The following ARMH4 variants were observed in gnomAD, a reference collection of about 807,000 sequenced individuals.
The protein encoded by ARMH4 is armadillo like helical domain containing 4.
A neutral mutation model predicts 61.9 loss-of-function variants in ARMH4; 49 were observed. The observed-to-expected ratio is 0.79, with a 90% CI of 0.63 to 1.00. The LOEUF is 1.00. Among genes scored for constraint, ARMH4 ranks in the 50% least tolerant of loss-of-function variants. The pLI, the probability that ARMH4 is intolerant of heterozygous loss-of-function variation, is 0.00. For missense variants in ARMH4, 934 were observed against 930.0 expected (o/e 1.00, Z -0.06); for synonymous variants, 368 against 341.5 (o/e 1.08, Z -0.85).
At chr14:58,109,400 C>T (rs1886275001) in intron 4 of ARMH4, among the ~76,000 whole-genome samples, 1 of 152,226 alleles carries the variant, frequency 6.6e-6, no homozygotes, top group African/African-American at 2.4e-5. Flanking sequence ...TTCCCCATCA[C>T]TCTGCAGTGC....
intron 4 of ARMH4, among the ~76,000 whole-genome samples, chr14:58,120,353 C>CCACA (rs59458573): frequency 7.4e-5 from 11 of 149,198 alleles, no homozygotes; most frequent in Middle Eastern, 3.4e-3. Flanking sequence ...CTCCCCCATG[C>CCACA]CACACACACA....
chr14:58,094,240 G>A (rs1020157546), intron 5 of ARMH4, among the ~76,000 whole-genome samples: 1 of 147,830 alleles, frequency 6.8e-6, no homozygotes, highest in Non-Finnish European at 1.5e-5. Context: ...TGAGGCAGGA[G>A]AATTGTTTGA....
intron 4 of ARMH4, among the ~76,000 whole-genome samples, chr14:58,122,580 A>G (rs573846993): frequency 6.6e-6 from 1 of 152,304 alleles, no homozygotes; most frequent in Non-Finnish European, 1.5e-5. Flanking sequence ...TTGGTTTTCT[A>G]TAATAGAGAT....
chr14:58,125,189 C>T (rs886847494), intron 4 of ARMH4, among the ~76,000 whole-genome samples: 4 of 152,014 alleles, frequency 2.6e-5, no homozygotes, highest in African/African-American at 9.7e-5. Flanking sequence ...ATTTGAAATG[C>T]TTATAGAAGG....
chr14:58,021,177 G>C lies in ARMH4; in HGVS notation c.2090-9027C>G, dbSNP rs116358855. ...TTACCCAGTCTACAGATTCAAATGC[G>C]ATACGGTCTGGCTGTGTCCTCACCC... On this transcript the variant is annotated intron_variant, in intron 5 of 7. Coordinates refer to ENST00000267485, the MANE Select transcript of ARMH4 (RefSeq NM_001001872.4). Among the ~76,000 whole-genome samples the C allele has an allele frequency of 4.7e-3, 721 of 152,302 alleles. 5 individuals are homozygous for C. The highest frequency in any genetic ancestry group is 0.017 in the African/African-American group (688 of 41,558).
At chr14:58,041,342 C>T (rs929429619) in intron 5 of ARMH4, among the ~76,000 whole-genome samples, 1 of 152,100 alleles carries the variant, frequency 6.6e-6, no homozygotes, top group Non-Finnish European at 1.5e-5. Flanking sequence ...TCCAGCCAAA[C>T]TAAGCTTCCT....
intron 5 of ARMH4, among the ~76,000 whole-genome samples, chr14:58,021,405 C>A (rs1286429700): frequency 6.6e-6 from 1 of 152,334 alleles, no homozygotes; most frequent in South Asian, 2.1e-4. Flanking sequence ...GTGCCTTTGG[C>A]TCCTTAGCCT....
intron 4 of ARMH4, among the ~76,000 whole-genome samples, chr14:58,102,563 G>A (rs1051032527): frequency 1.3e-5 from 2 of 151,966 alleles, no homozygotes; most frequent in Non-Finnish European, 2.9e-5. Flanking sequence ...TGTAATCCCA[G>A]CACTTTGGGA....
chr14:58,093,271 AAACT>A, intron 5 of ARMH4, among the ~76,000 whole-genome samples: 1 of 152,232 alleles, frequency 6.6e-6, no homozygotes. Context: ...GCATGACAAC[AAACT>A]AATAATACAC....
chr14:58,139,495 A>T, intron 1 of ARMH4, 81 bp from the exon 2 acceptor site: 1 of 783,648 alleles, frequency 1.3e-6, no homozygotes, highest in Non-Finnish European at 2.0e-6. Flanking sequence ...CATAAGTAAA[A>T]TAATCTCCTT....
chr14:58,081,810 T>C (rs1594746060), intron 5 of ARMH4, among the ~76,000 whole-genome samples: 2 of 152,130 alleles, frequency 1.3e-5, no homozygotes, highest in African/African-American at 4.8e-5. Flanking sequence ...CTGGCCAAGT[T>C]CATATCTTAA....
At chr14:58,008,526 T>C (rs1882269130) in intron 6 of ARMH4, among the ~76,000 whole-genome samples, 1 of 152,236 alleles carries the variant, frequency 6.6e-6, no homozygotes. Context: ...GATAACATAT[T>C]TATTCAGAAT....
At chr14:58,012,175 A>C in intron 5 of ARMH4, 25 bp from the exon 6 acceptor site, 3 of 1,306,942 alleles carry the variant, frequency 2.3e-6, no homozygotes, top group Non-Finnish European at 2.1e-6. Context: ...AGATAATAAA[A>C]TGAAATAACC....
chr14:58,005,954 T>C (rs1377390940), intron 6 of ARMH4, among the ~76,000 whole-genome samples: 1 of 152,144 alleles, frequency 6.6e-6, no homozygotes, highest in Non-Finnish European at 1.5e-5. Flanking sequence ...GGCAGAGAAG[T>C]ACACAAAGAT....
Position 58,004,824 on chromosome 14 carries a change from A to T in ARMH4, c.2257-20T>A. On this transcript the variant is annotated intron_variant, in intron 7 of 7. Transcript: ENST00000267485. Reference sequence around the variant, plus strand: ...TCTCTGCTAGAGAAAGAAAACAGAAAAGCATTAAACTCTTTCTGCCACAGA... The same window carrying T: ...TCTCTGCTAGAGAAAGAAAACAGAATAGCATTAAACTCTTTCTGCCACAGA... The T allele has an allele frequency of 6.2e-7, 1 of 1,603,568 alleles. No individual in the cohort carries two copies. Among genetic ancestry groups the T allele is most frequent in the Non-Finnish European group, 8.5e-7 (1 of 1,171,220 alleles).
chr14:58,079,035 T>G (rs1006311359), intron 5 of ARMH4, among the ~76,000 whole-genome samples: 1 of 152,250 alleles, frequency 6.6e-6, no homozygotes, highest in African/African-American at 2.4e-5. Context: ...TGCTTGGGAA[T>G]GTTGCAGCTA....
At chr14:58,142,240 CTAAGT>C (rs1887589217) in intron 1 of ARMH4, among the ~76,000 whole-genome samples, 1 of 152,136 alleles carries the variant, frequency 6.6e-6, no homozygotes, top group African/African-American at 2.4e-5. Flanking sequence ...ATTCAATGAT[CTAAGT>C]TAAGCAAATG....
intron 5 of ARMH4, among the ~76,000 whole-genome samples, chr14:58,030,498 C>T (rs1438204869): frequency 6.6e-6 from 1 of 152,176 alleles, no homozygotes; most frequent in Non-Finnish European, 1.5e-5. Context: ...CCATCTTAAC[C>T]ATTTTCAAGT....
chr14:58,012,501 C>T (rs774105240), intron 5 of ARMH4, among the ~76,000 whole-genome samples: 3 of 152,060 alleles, frequency 2.0e-5, no homozygotes, highest in Non-Finnish European at 4.4e-5. Flanking sequence ...GCTTATTTCT[C>T]ATCTTTCTCA....
Sources: gnomAD v4.1 joint callset for allele counts (sites outside exome capture counted in the v4.1 genomes callset) on GRCh38, gnomAD v4.1.1 for gene constraint, MANE v1.5 for transcripts, NCBI Gene and HGNC (gene_info 2026-07-23, HGNC 2026-07-21) for gene names.